CHD5: variants seen among roughly 807,000 people sequenced by gnomAD.
CHD5 encodes the protein chromodomain helicase DNA binding protein 5.
Under a neutral mutation model 230.3 loss-of-function variants are expected in CHD5, and 69 were observed. The ratio of observed to expected loss-of-function variants is 0.30; its 90% confidence interval spans 0.25 to 0.37. The LOEUF (loss-of-function observed/expected upper bound fraction) is 0.37. CHD5 is among the 10% of genes least tolerant of loss of function. The probability of loss-of-function intolerance (pLI) is 1.00; values close to 1 mark genes in which losing one functional copy is unlikely to be tolerated. For synonymous variants in CHD5, 1,064 were observed against 1,065.9 expected (o/e 1.00, Z 0.03); for missense variants, 1,827 against 2,622.8 (o/e 0.70, Z 6.63).
rs758341332 is a variant in CHD5 at position 6,155,699 on chromosome 1, GC to G, written c.405del (p.Gln136SerfsTer23). The G allele has an allele frequency of 6.2e-7, 1 of 1,614,024 alleles. No homozygotes were observed. The highest frequency in any genetic ancestry group is 8.5e-7 in the Non-Finnish European group (1 of 1,179,972). On this transcript the variant is annotated frameshift_variant, in exon 4 of 42. Coordinates refer to ENST00000262450, the MANE Select transcript of CHD5 (RefSeq NM_015557.3). LOFTEE classifies it high-confidence loss of function. The surrounding 1 kb of genome is among the most constrained non-coding windows in gnomAD (Gnocchi z 4.0). ...TCCAGGCCCCACTCGGCCATGAGCT[GC>G]CCCGAGGACTTGGGCTCCTACAGAG... ...DGCLKEPKSS[G>X]QLMAEWGLDD... is the part of the protein sequence containing the mutation.
intron 5 of CHD5, 52 bp from the exon 6 acceptor site, chr1:6,152,588 T>C (rs1209470663): frequency 2.5e-6 from 4 of 1,609,466 alleles, no homozygotes; most frequent in Non-Finnish European, 3.4e-6. Flanking sequence ...GACGGCCTGC[T>C]TCCTGCCATC....
chr1:6,168,943 C>G, intron 1 of CHD5, among the ~76,000 whole-genome samples: 1 of 151,638 alleles, frequency 6.6e-6, no homozygotes, highest in East Asian at 1.9e-4. Context: ...CGCTCAAACC[C>G]AGGAGGTGGA....
rs2100882050 is a variant in CHD5, at chr1:6,168,096, T to C, written c.207+54A>G. On this transcript the variant is annotated intron_variant, in intron 2 of 41. Coordinates refer to ENST00000262450, the MANE Select transcript of CHD5 (RefSeq NM_015557.3). Reference sequence around the variant, plus strand: ...CAGCCCTCCTCTGCGGCCGGGCAGATGCAGCCACAACCCCACCCGCCCCAA... The same window carrying C: ...CAGCCCTCCTCTGCGGCCGGGCAGACGCAGCCACAACCCCACCCGCCCCAA... 3.2e-6 allele frequency: 5 copies of C among 1,554,626 alleles called. No homozygotes were observed. The Admixed American group carries it at 9.0e-5, about 28-fold the overall frequency.
chr1:6,137,595 T>A (rs946288363), intron 15 of CHD5, among the ~76,000 whole-genome samples: 1 of 152,040 alleles, frequency 6.6e-6, no homozygotes, highest in Non-Finnish European at 1.5e-5. Context: ...AGTCTCCCAA[T>A]GTACTGGGAA....
intron 2 of CHD5, among the ~76,000 whole-genome samples, chr1:6,166,884 CAA>C (rs1667264672): frequency 6.6e-6 from 1 of 152,148 alleles, no homozygotes; most frequent in Non-Finnish European, 1.5e-5. Context: ...GTTCACGGGA[CAA>C]GAGGCCCATG....
chr1:6,118,972 A>G (rs1666419717), intron 33 of CHD5, among the ~76,000 whole-genome samples: 1 of 151,818 alleles, frequency 6.6e-6, no homozygotes, highest in African/African-American at 2.4e-5. Flanking sequence ...TTCTGGGATT[A>G]CAGGTGTGAG....
In CHD5 at chr1:6,134,662, C is replaced by T; in HGVS notation, c.3012+56G>A. ...CCACAGGGACCTACCATGGCGGCCA[C>T]AGGCACCTACCATGGCGGTCATGGA... On this transcript the variant is annotated intron_variant, in intron 19 of 41. Coordinates refer to ENST00000262450, the MANE Select transcript of CHD5 (RefSeq NM_015557.3). This position sits in a 1 kb window ranked among gnomAD's most constrained non-coding sequence, Gnocchi z 6.3. 6.4e-7 allele frequency: 1 copy of T among 1,553,978 alleles called. No homozygotes were observed. The highest frequency in any genetic ancestry group is 2.1e-5 in the African/African-American group (1 of 47,974).
At position 6,105,466 on chromosome 1, in the gene CHD5, TTA is replaced by T. The variant is rs1183444259; in HGVS notation, c.*47-41_*47-40del. The T allele has an allele frequency of 2.1e-6, 1 of 465,596 alleles. No individual in the cohort carries two copies. The allele number at this position is 465,596 out of a possible 1,614,324, so 28.8% of individuals were successfully genotyped here. A position where few individuals can be genotyped will look rare whatever the true frequency, so the allele number is the denominator to read the frequency against. On this transcript the variant is annotated intron_variant, in intron 41 of 41. Transcript: ENST00000262450. The surrounding 1 kb of genome is among the most constrained non-coding windows in gnomAD (Gnocchi z 4.8). ...ATCAGTGGGTTAAGCAGGTGGGCAGTTATAGGGGGCATCAGGGTGGCACCCAA... is the reference window on the plus strand; with the variant it reads ...ATCAGTGGGTTAAGCAGGTGGGCAGTTAGGGGGCATCAGGGTGGCACCCAA...
At chr1:6,166,743 G>A (rs1667261862) in intron 2 of CHD5, among the ~76,000 whole-genome samples, 1 of 152,076 alleles carries the variant, frequency 6.6e-6, no homozygotes. Context: ...CCGAGGCCCA[G>A]AGGCGAAGGC....
intron 7 of CHD5, among the ~76,000 whole-genome samples, chr1:6,150,258 AATGGATGGATGGATG>A (rs1461868579): frequency 2.1e-5 from 3 of 146,248 alleles, no homozygotes; most frequent in Admixed American, 6.8e-5. Flanking sequence ...ACGGATGGAC[AATGGATGGATGGATG>A]ATGGATGGAT....
At chr1:6,107,279 ATGG>A (rs968578125) in intron 38 of CHD5, among the ~76,000 whole-genome samples, 4 of 123,834 alleles carry the variant, frequency 3.2e-5, no homozygotes, top group Non-Finnish European at 5.1e-5. Context: ...TGGAGGGATG[ATGG>A]TGGGATGGCG....
chr1:6,110,272 TG>T, intron 37 of CHD5, 121 bp downstream of exon 37: 1 of 1,153,990 alleles, frequency 8.7e-7, no homozygotes, highest in Non-Finnish European at 1.3e-6. Flanking sequence ...TGCTGCTTCG[TG>T]GCAGCGTGAC....
In CHD5 at chr1:6,124,757, T is replaced by C. The variant is rs1666527632; in HGVS notation, c.4395-96A>G. 5.0e-6 allele frequency: 4 copies of C among 797,760 alleles called. No homozygotes were observed. The Admixed American group carries it at 9.7e-5, about 19-fold the overall frequency. 49.4% of individuals were successfully genotyped at this position (797,760 alleles called of 1,614,324 possible). On this transcript the variant is annotated intron_variant, in intron 29 of 41. Coordinates refer to ENST00000262450, the MANE Select transcript of CHD5 (RefSeq NM_015557.3). Reference sequence around the variant, plus strand: ...GGACCCCAGGGGAACTCCTGGCTGATCTTCAACCATCGCCCACCTCCTAGT... The same window carrying C: ...GGACCCCAGGGGAACTCCTGGCTGACCTTCAACCATCGCCCACCTCCTAGT...
rs939768555 is a variant in CHD5 at position 6,128,748 on chromosome 1, G to A, written c.3619+90C>T. The A allele has an allele frequency of 7.8e-7, 1 of 1,285,828 alleles. No homozygotes were observed. Among genetic ancestry groups the A allele is most frequent in the Non-Finnish European group, 1.1e-6 (1 of 902,706 alleles). The allele number at this position is 1,285,828 out of a possible 1,614,324, so 79.7% of individuals were successfully genotyped here. On this transcript the variant is annotated intron_variant, in intron 23 of 41. Coordinates refer to ENST00000262450, the MANE Select transcript of CHD5 (RefSeq NM_015557.3). The surrounding 1 kb of genome is among the most constrained non-coding windows in gnomAD (Gnocchi z 7.8). ...GGTGCAGAAGAGAGGCTGTGTGTTG[G>A]AGCGGGCAGGGACCCAAGCAAGCCC... is the stretch of plus-strand genomic sequence containing the variant.
chr1:6,150,624 T>TG (rs1666990540), intron 7 of CHD5, among the ~76,000 whole-genome samples: 1 of 150,690 alleles, frequency 6.6e-6, no homozygotes, highest in African/African-American at 2.4e-5. Flanking sequence ...AAGAAGGGAC[T>TG]GAGGGAAGGA....
At chr1:6,113,084 C>A (rs1666318585) in intron 33 of CHD5, 86 bp from the exon 34 acceptor site, 1 of 898,756 alleles carries the variant, frequency 1.1e-6, no homozygotes, top group Non-Finnish European at 1.8e-6. Context: ...ACCCATGGAA[C>A]CCTATCCATC....
Position 6,132,272 on chromosome 1 carries a change from T to G in CHD5, c.3145-524A>C, listed in dbSNP as rs182259181. On this transcript the variant is annotated intron_variant, in intron 20 of 41. Coordinates refer to ENST00000262450, the MANE Select transcript of CHD5 (RefSeq NM_015557.3). ...TCTCGAGAGAGAGTTTAGCTGGATA[T>G]AAAACTATCAGCACACATTTTCCCT... Among the ~76,000 whole-genome samples, 109 of 152,312 alleles carry G rather than the reference T, an allele frequency of 7.2e-4. 1 individual carries two copies. The highest frequency in any genetic ancestry group is 2.1e-4 in the Non-Finnish European group (14 of 68,036).
Position 6,130,146 on chromosome 1 carries a change from G to C in CHD5, c.3387+58C>G. The C allele has an allele frequency of 6.2e-7, 1 of 1,601,554 alleles. No individual in the cohort carries two copies. The highest frequency in any genetic ancestry group is 8.5e-7 in the Non-Finnish European group (1 of 1,170,732). ...AAGAAGGGCATGAAGGACAGAACCT[G>C]CCTGAGGCCCGGGATGAGAGGCCCC... On this transcript the variant is annotated intron_variant, in intron 22 of 41. Transcript: ENST00000262450. This position sits in a 1 kb window ranked among gnomAD's most constrained non-coding sequence, Gnocchi z 4.9.
chr1:6,168,212 T>C lies in CHD5; in HGVS notation c.145A>G (p.Lys49Glu), dbSNP rs1301912021. The C allele has an allele frequency of 1.2e-6, 2 of 1,612,184 alleles. No homozygotes were observed. Among genetic ancestry groups the C allele is most frequent in the Non-Finnish European group, 8.5e-7 (1 of 1,178,520 alleles). ...FFPVEPVSLP[K>E]KKKPKKLKEN... is the part of the protein sequence containing the mutation. ...TTGAGCTTCTTGGGTTTCTTCTTCTTAGGAAGGCTCACGGGCTCCACAGGG... is the reference window on the plus strand; with the variant it reads ...TTGAGCTTCTTGGGTTTCTTCTTCTCAGGAAGGCTCACGGGCTCCACAGGG... The change falls in exon 2 of 42, where the codon AAG becomes GAG. Residue 49 changes from lysine (K) to glutamate (E), a missense_variant. Around this residue, in one of 14 missense-constraint regions of CHD5, gnomAD observed 113 missense variants for 91.9 expected, o/e 1.23. Coordinates refer to ENST00000262450, the MANE Select transcript of CHD5 (RefSeq NM_015557.3).
Sources: allele counts gnomAD v4.1 joint callset (sites outside exome capture counted in the v4.1 genomes callset), GRCh38; gene constraint gnomAD v4.1.1; regional missense constraint gnomAD v4.1.1; non-coding constraint Gnocchi (gnomAD v3.1); transcripts MANE v1.5; gene names NCBI Gene and HGNC (gene_info 2026-07-23, HGNC 2026-07-21).